The following MOB4 variants were observed in gnomAD, a reference collection of about 807,000 sequenced individuals.
MOB4 encodes the protein MOB-like protein phocein.
Under a neutral mutation model 32.2 loss-of-function variants are expected in MOB4, and 4 were observed. The ratio of observed to expected loss-of-function variants is 0.12; its 90% CI spans 0.06 to 0.28. The LOEUF is 0.28. Among genes scored for constraint, MOB4 ranks in the 10% least tolerant of loss-of-function variants. MOB4 has a pLI of 1.00. For missense variants in MOB4, 158 were observed against 271.2 expected (o/e 0.58, Z 2.93); for synonymous variants, 88 against 88.1 (o/e 1.00, Z 0.01).
intron 6 of MOB4, among the ~76,000 whole-genome samples, chr2:197,549,160 A>G (rs2087050462): frequency 6.6e-6 from 1 of 152,040 alleles, no homozygotes; most frequent in African/African-American, 2.4e-5. Context: ...CCCAGGAGGC[A>G]GAGGTTGTGG....
intron 2 of MOB4, among the ~76,000 whole-genome samples, chr2:197,534,646 G>C (rs774526706): frequency 6.6e-6 from 1 of 152,142 alleles, no homozygotes; most frequent in Non-Finnish European, 1.5e-5. Context: ...GGGTCCAAGC[G>C]ATTCTCTTGC....
chr2:197,537,482 C>CT (rs112681460), intron 3 of MOB4, among the ~76,000 whole-genome samples: 6 of 152,244 alleles, frequency 3.9e-5, no homozygotes, highest in African/African-American at 1.4e-4. Context: ...AGACAAGGCA[C>CT]TTTTTAAAAA....
intron 1 of MOB4, among the ~76,000 whole-genome samples, chr2:197,517,581 AT>A (rs1215507084): frequency 6.6e-6 from 1 of 152,206 alleles, no homozygotes; most frequent in African/African-American, 2.4e-5. Context: ...AAAATAAAAT[AT>A]TTAATATCGT....
chr2:197,516,377 G>T, intron 1 of MOB4: 10 of 1,413,980 alleles, frequency 7.1e-6, no homozygotes, highest in Non-Finnish European at 9.2e-6. Context: ...GGGCGGGTGG[G>T]GTCTGCTGGT....
rs541960041 is a variant in MOB4, at chr2:197,522,628, G to A, written c.61-996G>A. On this transcript the variant is annotated intron_variant, in intron 1 of 7. Coordinates refer to ENST00000323303, the MANE Select transcript of MOB4 (RefSeq NM_015387.5). ...TTACTGGTGTAAGCCACCATGCCCAGTCTGATGATTACTTTTTAATGGTGC... is the reference window on the plus strand; with the variant it reads ...TTACTGGTGTAAGCCACCATGCCCAATCTGATGATTACTTTTTAATGGTGC... Among the ~76,000 whole-genome samples the A allele has an allele frequency of 2.6e-5, 4 of 152,000 alleles. No homozygotes were observed. In the East Asian group the frequency reaches 5.8e-4, roughly 22 times the overall value.
chr2:197,543,636 A>G lies in MOB4; in HGVS notation c.354+3199A>G, dbSNP rs779048790. Among the ~76,000 whole-genome samples, 5 of 152,240 alleles carry G rather than the reference A, an allele frequency of 3.3e-5. No homozygotes were observed. In the East Asian group the frequency reaches 7.7e-4, roughly 23 times the overall value. ...AAAAGGACAGATACTGTAGCATTCC[A>G]CTTATCTAGAGTGAATAAATTCATA... On this transcript the variant is annotated intron_variant, in intron 5 of 7. Transcript: ENST00000323303.
In MOB4 at chr2:197,519,466, G is replaced by C. The variant is rs576156558; in HGVS notation, c.60+3320G>C. On this transcript the variant is annotated intron_variant, in intron 1 of 7. Transcript: ENST00000323303. Reference sequence around the variant, plus strand: ...GGCATAGTGTTTGCATATAACCTATGCACATTCTGTTATATAGTTTAAATC... The same window carrying C: ...GGCATAGTGTTTGCATATAACCTATCCACATTCTGTTATATAGTTTAAATC... 3.9e-5 allele frequency among the ~76,000 whole-genome samples: 6 copies of C among 152,178 alleles called. No individual in the cohort carries two copies. The East Asian group carries it at 9.7e-4, about 24-fold the overall frequency.
intron 2 of MOB4, among the ~76,000 whole-genome samples, chr2:197,531,048 T>TTTA (rs1491467857): frequency 1.1e-5 from 1 of 90,168 alleles, no homozygotes. Flanking sequence ...TTTATTTTTA[T>TTTA]TTTTATTTTT....
chr2:197,523,745 A>G (rs2086561112), intron 2 of MOB4, 59 bp downstream of exon 2: 2 of 1,520,816 alleles, frequency 1.3e-6, no homozygotes, highest in Non-Finnish European at 1.8e-6. Context: ...GTAAGTGCCC[A>G]TTGGGTGGCC....
At position 197,549,338 on chromosome 2, in the gene MOB4, G is replaced by C. The variant is rs184188293; in HGVS notation, c.434+923G>C. Among the ~76,000 whole-genome samples the C allele has an allele frequency of 1.7e-4, 26 of 152,190 alleles. No homozygotes were observed. In the East Asian group the frequency reaches 5.0e-3, roughly 29 times the overall value. On this transcript the variant is annotated intron_variant, in intron 6 of 7. Coordinates refer to ENST00000323303, the MANE Select transcript of MOB4 (RefSeq NM_015387.5). ...ATGTAATATATTATCGGTGAAGTTT[G>C]TGACTGCCTTTTATTTTATTAAGGT...
chr2:197,524,802 AC>A (rs2086581551), intron 2 of MOB4, among the ~76,000 whole-genome samples: 1 of 150,836 alleles, frequency 6.6e-6, no homozygotes, highest in Non-Finnish European at 1.5e-5. Flanking sequence ...ACGGGGTCTC[AC>A]CCTGTTGCCC....
chr2:197,518,519 C>T (rs533463175), intron 1 of MOB4, among the ~76,000 whole-genome samples: 1 of 151,666 alleles, frequency 6.6e-6, no homozygotes, highest in South Asian at 2.1e-4. Flanking sequence ...GCCTGGGCCT[C>T]CCAAAATGGT....
chr2:197,547,956 T>C (rs933483552), intron 5 of MOB4, among the ~76,000 whole-genome samples: 12 of 152,148 alleles, frequency 7.9e-5, no homozygotes, highest in African/African-American at 2.2e-4. Context: ...GAAAGTTCTT[T>C]AGAGGGCTGC....
Position 197,536,747 on chromosome 2 carries a change from G to A in MOB4, c.224+1117G>A, listed in dbSNP as rs182356896. On this transcript the variant is annotated intron_variant, in intron 3 of 7. Coordinates refer to ENST00000323303, the MANE Select transcript of MOB4 (RefSeq NM_015387.5). ...CTCCCGAGTAGCTGGGACTACAGGCGCAGCCATGCCCAGCTAATTTTTGTA... is the reference window on the plus strand; with the variant it reads ...CTCCCGAGTAGCTGGGACTACAGGCACAGCCATGCCCAGCTAATTTTTGTA... 2.1e-3 allele frequency among the ~76,000 whole-genome samples: 325 copies of A among 151,540 alleles called. 1 individual carries two copies. Among genetic ancestry groups the A allele is most frequent in the African/African-American group, 7.1e-3 (295 of 41,346 alleles).
intron 1 of MOB4, 78 bp from the exon 2 acceptor site, chr2:197,523,546 C>T: frequency 1.4e-6 from 2 of 1,435,996 alleles, no homozygotes; most frequent in Non-Finnish European, 1.9e-6. Context: ...CTAGTGTGAG[C>T]TTTGGGTCTT....
rs985535786 is a variant in MOB4 at position 197,535,437 on chromosome 2, A to G, written c.124-93A>G. 12 of 1,188,062 alleles carry G rather than the reference A, an allele frequency of 1.0e-5. No individual in the cohort carries two copies. In the African/African-American group the frequency reaches 1.9e-4, roughly 19 times the overall value. 73.6% of individuals were successfully genotyped at this position (1,188,062 alleles called of 1,614,324 possible). On this transcript the variant is annotated intron_variant, in intron 2 of 7. Coordinates refer to ENST00000323303, the MANE Select transcript of MOB4 (RefSeq NM_015387.5). ...AGTGTATAACCCAAGTTGAACCACA[A>G]GAGCAGTTATGTATTAACAAATTAT...
intron 2 of MOB4, among the ~76,000 whole-genome samples, chr2:197,526,648 T>TA (rs2086616714): frequency 6.6e-6 from 1 of 152,208 alleles, no homozygotes; most frequent in Non-Finnish European, 1.5e-5. Context: ...GTATTTTCTT[T>TA]AAATGTTTAC....
At chr2:197,530,646 G>A (rs1329308730) in intron 2 of MOB4, among the ~76,000 whole-genome samples, 13 of 151,630 alleles carry the variant, frequency 8.6e-5, no homozygotes, top group Admixed American at 8.5e-4. Context: ...TTTTTTTTGA[G>A]ACAGGGTCTC....
chr2:197,528,931 GTAT>G (rs2086654805), intron 2 of MOB4, among the ~76,000 whole-genome samples: 1 of 150,252 alleles, frequency 6.7e-6, no homozygotes, highest in Admixed American at 6.7e-5. Flanking sequence ...AATTTTCTTT[GTAT>G]TATTTTCTGT....
Sources: gnomAD v4.1 joint callset for allele counts (sites outside exome capture counted in the v4.1 genomes callset) on GRCh38, gnomAD v4.1.1 for gene constraint, MANE v1.5 for transcripts, NCBI Gene and HGNC (gene_info 2026-07-23, HGNC 2026-07-21) for gene names.